Variants in KIAA0408 observed in about 807,000 individuals in gnomAD.
The protein encoded by KIAA0408 is KIAA0408, also known as uncharacterized protein KIAA0408.
A neutral mutation model predicts 60.9 loss-of-function variants in KIAA0408; 51 were observed. The ratio of observed to expected loss-of-function variants is 0.84; its 90% CI spans 0.67 to 1.06. KIAA0408 has a LOEUF of 1.06. KIAA0408 is among the 50% of genes least tolerant of loss of function. The pLI is 0.00. For missense variants in KIAA0408, 787 were observed against 833.9 expected, an observed-to-expected ratio of 0.94 and a Z score of 0.69; for synonymous variants, 304 against 282.4, an observed-to-expected ratio of 1.08 and a Z score of -0.77.
rs1411916352 is a variant in KIAA0408 at position 127,447,516 on chromosome 6, G to A, written c.803C>T (p.Pro268Leu). The change falls in exon 5 of 6, where the codon CCT becomes CTT. Residue 268 changes from proline (P) to leucine (L), a missense_variant. Physicochemically the swap from Pro to Leu is moderately conservative, Grantham distance 98 (BLOSUM62 -3). Around this residue, in one of 3 missense-constraint regions of KIAA0408, gnomAD observed 640 missense variants for 681.3 expected, o/e 0.94. Coordinates refer to ENST00000483725, the MANE Select transcript of KIAA0408 (RefSeq NM_014702.5). The part of the protein sequence containing the change: ...DLKRNETPPV[P>L]PPRSTSRNFP... ...ATTTCGAGAGGTGCTTCTTGGAGGA[G>A]GAACTGGTGGAGTTTCATTTCTTTT... The A allele has an allele frequency of 2.5e-6, 4 of 1,610,392 alleles. No homozygotes were observed. In the African/African-American group the frequency reaches 5.4e-5, roughly 22 times the overall value.
Position 127,446,416 on chromosome 6 carries a change from T to C in KIAA0408, c.1903A>G (p.Ile635Val). 1 of 1,605,420 alleles carries C rather than the reference T, an allele frequency of 6.2e-7. No individual in the cohort carries two copies. Among genetic ancestry groups the C allele is most frequent in the Non-Finnish European group, 8.5e-7 (1 of 1,173,338 alleles). ...EVKQGIDPKK[I>V]TEESMSVNAS... ...TATATTTGCTTTCTCACCTCTGTTATCTTTTTCGGATCTATTCCTTGCTTC... is the reference window on the plus strand; with the variant it reads ...TATATTTGCTTTCTCACCTCTGTTACCTTTTTCGGATCTATTCCTTGCTTC... Residue 635 changes from isoleucine to valine, a missense_variant, in exon 5 of 6, where the codon ATA (isoleucine) becomes GTA (valine). Physicochemically the swap from Ile to Val is conservative, Grantham distance 29 (BLOSUM62 3). Coordinates refer to ENST00000483725, the MANE Select transcript of KIAA0408 (RefSeq NM_014702.5).
chr6:127,453,769 T>C (rs1773343475), intron 2 of KIAA0408, 78 bp downstream of exon 2: 5 of 1,527,628 alleles, frequency 3.3e-6, no homozygotes, highest in Admixed American at 1.9e-5. Flanking sequence ...CAAAAACAGT[T>C]TCCAATACAA....
rs1357660046 is a variant in KIAA0408 at position 127,442,099 on chromosome 6, T to C, written c.*2010A>G. On this transcript the variant is annotated 3_prime_UTR_variant, in exon 6 of 6. Coordinates refer to ENST00000483725, the MANE Select transcript of KIAA0408 (RefSeq NM_014702.5). ...GCCTGATCATCAATATTTTGCTTTG[T>C]TTTGTTTTGTTTTATTAATGGTTCT... is the stretch of plus-strand genomic sequence containing the variant. The C allele has an allele frequency of 2.0e-5, 3 of 152,118 alleles. No individual in the cohort carries two copies. The highest frequency in any genetic ancestry group is 1.3e-4 in the Admixed American group (2 of 15,274). 9.4% of individuals were successfully genotyped at this position (152,118 alleles called of 1,614,324 possible). A position where few individuals can be genotyped will look rare whatever the true frequency, so the allele number is the denominator to read the frequency against.
In KIAA0408 at chr6:127,443,631, T is replaced by A. The variant is rs1197093045; in HGVS notation, c.*478A>T. 2.0e-5 allele frequency: 3 copies of A among 152,946 alleles called. No individual in the cohort carries two copies. The highest frequency in any genetic ancestry group is 4.4e-5 in the Non-Finnish European group (3 of 68,530). 9.5% of individuals were successfully genotyped at this position (152,946 alleles called of 1,614,324 possible). On this transcript the variant is annotated 3_prime_UTR_variant, in exon 6 of 6. Transcript: ENST00000483725. ...TTGTACTGCAAATGCCTTAAGTGGA[T>A]ACCTATTAAAAGGTATACAAAATAT...
In KIAA0408 at chr6:127,447,504, C is replaced by T; in HGVS notation, c.815G>A (p.Ser272Asn). Residue 272 changes from serine (S) to asparagine (N), a missense_variant, in exon 5 of 6, where the codon AGC becomes AAC. Physicochemically the swap from Ser to Asn is conservative, Grantham distance 46 (BLOSUM62 1). This residue lies in a region of KIAA0408 where 640 missense variants were observed against 681.3 expected (regional missense o/e 0.94). Transcript: ENST00000483725. ...CGAGCTGGGAAAATTTCGAGAGGTGCTTCTTGGAGGAGGAACTGGTGGAGT... is the reference window on the plus strand; with the variant it reads ...CGAGCTGGGAAAATTTCGAGAGGTGTTTCTTGGAGGAGGAACTGGTGGAGT... The part of the protein sequence containing the change: ...NETPPVPPPR[S>N]TSRNFPSSDS... 1.2e-6 allele frequency: 2 copies of T among 1,612,234 alleles called. No individual in the cohort carries two copies. The highest frequency in any genetic ancestry group is 2.2e-5 in the South Asian group (2 of 90,534).
At chr6:127,446,046 C>T (rs1773186634) in intron 5 of KIAA0408, among the ~76,000 whole-genome samples, 2 of 152,008 alleles carry the variant, frequency 1.3e-5, no homozygotes, top group Admixed American at 1.3e-4. Context: ...AAAATATTTT[C>T]CATACACTTA....
At chr6:127,444,920 T>C (rs1458073712) in intron 5 of KIAA0408, among the ~76,000 whole-genome samples, 5 of 151,876 alleles carry the variant, frequency 3.3e-5, no homozygotes, top group African/African-American at 1.2e-4. Context: ...CTTTCTTTTA[T>C]TTTCTTCCTT....
In KIAA0408 at chr6:127,454,071, G is replaced by T; in HGVS notation, c.-90C>A. The T allele has an allele frequency of 6.8e-7, 1 of 1,474,134 alleles. No individual in the cohort carries two copies. The allele number at this position is 1,474,134 out of a possible 1,614,324, so 91.3% of individuals were successfully genotyped here. On this transcript the variant is annotated 5_prime_UTR_variant, in exon 2 of 6. Transcript: ENST00000483725. ...TTGGAAGCTTGAAGTTGTTTTATTTGAAGCAGTCTCACTTGCCTTTAAAAT... is the reference window on the plus strand; with the variant it reads ...TTGGAAGCTTGAAGTTGTTTTATTTTAAGCAGTCTCACTTGCCTTTAAAAT...
Position 127,439,734 on chromosome 6 carries a change from T to C in KIAA0408, c.*4375A>G, listed in dbSNP as rs1583062807. The C allele has an allele frequency of 6.6e-6, 1 of 152,210 alleles. No individual in the cohort carries two copies. The highest frequency in any genetic ancestry group is 2.4e-5 in the African/African-American group (1 of 41,458). 9.4% of individuals were successfully genotyped at this position (152,210 alleles called of 1,614,324 possible). A position where few individuals can be genotyped will look rare whatever the true frequency, so the allele number is the denominator to read the frequency against. ...TCAAAAATATTTATTCTAAATATTA[T>C]CTTGACTACTTAATTTTTCCTTCTT... On this transcript the variant is annotated 3_prime_UTR_variant, in exon 6 of 6. Coordinates refer to ENST00000483725, the MANE Select transcript of KIAA0408 (RefSeq NM_014702.5).
intron 2 of KIAA0408, chr6:127,451,231 T>C (rs1554256408): frequency 4.4e-6 from 2 of 451,640 alleles, no homozygotes; most frequent in South Asian, 3.2e-5. Flanking sequence ...ATATCTACAC[T>C]ACATGTATTA....
chr6:127,452,550 C>T (rs2114801509), intron 2 of KIAA0408, among the ~76,000 whole-genome samples: 1 of 152,168 alleles, frequency 6.6e-6, no homozygotes, highest in South Asian at 2.1e-4. Flanking sequence ...AATTATTGGA[C>T]AGTAATAAAT....
Position 127,446,903 on chromosome 6 carries a change from G to A in KIAA0408, c.1416C>T (p.Leu472=). 6.2e-7 allele frequency: 1 copy of A among 1,614,070 alleles called. No homozygotes were observed. The highest frequency in any genetic ancestry group is 1.1e-5 in the South Asian group (1 of 91,070). ...NHSCSKSSED[L]KPCDTSSTHT... The stretch of plus-strand genomic sequence containing the variant: ...GAGTAGATGAGGTATCACAGGGCTT[G>A]AGATCCTCCGATGATTTTGAGCAGC... Residue 472 remains leucine (L), a synonymous_variant, in exon 5 of 6, where the codon CTC becomes CTT. Coordinates refer to ENST00000483725, the MANE Select transcript of KIAA0408 (RefSeq NM_014702.5).
At chr6:127,446,364 G>A in intron 5 of KIAA0408, 44 bp downstream of exon 5, 2 of 1,564,958 alleles carry the variant, frequency 1.3e-6, no homozygotes, top group Non-Finnish European at 1.7e-6. Flanking sequence ...CAGAGCCATT[G>A]CTAATATGGA....
intron 5 of KIAA0408, 125 bp downstream of exon 5, chr6:127,446,283 C>T (rs1773191554): frequency 6.8e-7 from 1 of 1,467,348 alleles, no homozygotes; most frequent in Admixed American, 2.3e-5. Flanking sequence ...CAAACAGGGT[C>T]AAGAGGCTAA....
rs1773275608 is a variant in KIAA0408 at position 127,450,118 on chromosome 6, CT to C, written c.369del (p.Ala124GlnfsTer7). On this transcript the variant is annotated frameshift_variant, in exon 3 of 6. Coordinates refer to ENST00000483725, the MANE Select transcript of KIAA0408 (RefSeq NM_014702.5). LOFTEE classifies it high-confidence loss of function. ...AACCCTACTTTTGATTTTTTTGTTG[CT>C]TTTTGTTCCTTACACATTTGATTTC... ...SGGNQMCKEQ[K>X]ATKKSKVGFL... 3 of 1,613,900 alleles carry C rather than the reference CT, an allele frequency of 1.9e-6. No individual in the cohort carries two copies. In the Admixed American group the frequency reaches 5.0e-5, roughly 27 times the overall value.
At chr6:127,452,660 G>T (rs1038660322) in intron 2 of KIAA0408, among the ~76,000 whole-genome samples, 2 of 152,106 alleles carry the variant, frequency 1.3e-5, no homozygotes, top group African/African-American at 4.8e-5. Context: ...AGAATTGTCT[G>T]AGACTGTTAT....
chr6:127,449,756 G>T, intron 4 of KIAA0408, 66 bp downstream of exon 4: 1 of 1,596,188 alleles, frequency 6.3e-7, no homozygotes. Context: ...GCAGTTTGGA[G>T]TCATTAACTA....
In KIAA0408 at chr6:127,446,555, C is replaced by G. The variant is rs1773198299; in HGVS notation, c.1764G>C (p.Trp588Cys). Reference sequence around the variant, plus strand: ...CACTGACATCAGAATTACATTTGGTCCAATTATCCTGGAAGCACTTAGAAT... The same window carrying G: ...CACTGACATCAGAATTACATTTGGTGCAATTATCCTGGAAGCACTTAGAAT... ...LQNSKCFQDN[W>C]TKCNSDVSGG... Residue 588 changes from tryptophan (W) to cysteine (C), a missense_variant, in exon 5 of 6, where the codon TGG (tryptophan) becomes TGC (cysteine). Physicochemically the swap from Trp to Cys is radical, Grantham distance 215. This residue lies in a region of KIAA0408 where 14 missense variants were observed against 33.4 expected (regional missense o/e 0.42). Transcript: ENST00000483725. The G allele has an allele frequency of 6.2e-7, 1 of 1,614,040 alleles. No individual in the cohort carries two copies. Among genetic ancestry groups the G allele is most frequent in the Non-Finnish European group, 8.5e-7 (1 of 1,180,038 alleles).
Position 127,443,953 on chromosome 6 carries a change from A to G in KIAA0408, c.*156T>C, listed in dbSNP as rs1488571512. ...ATCTAAGAAATCAAAATGCAGGAAG[A>G]TAATTATTCCTTAGATTAAAAACAC... On this transcript the variant is annotated 3_prime_UTR_variant, in exon 6 of 6. Coordinates refer to ENST00000483725, the MANE Select transcript of KIAA0408 (RefSeq NM_014702.5). 3 of 644,156 alleles carry G rather than the reference A, an allele frequency of 4.7e-6. No homozygotes were observed. The highest frequency in any genetic ancestry group is 7.8e-6 in the Non-Finnish European group (3 of 386,470). 39.9% of individuals were successfully genotyped at this position (644,156 alleles called of 1,614,324 possible).
Sources: gnomAD v4.1 joint callset for allele counts (sites outside exome capture counted in the v4.1 genomes callset) on GRCh38, gnomAD v4.1.1 for gene constraint, gnomAD v4.1.1 regional missense constraint, MANE v1.5 for transcripts, NCBI Gene and HGNC (gene_info 2026-07-23, HGNC 2026-07-21) for gene names.